The following FAM83B variants were observed in gnomAD, a reference collection of about 807,000 sequenced individuals.
The protein encoded by FAM83B is protein FAM83B.
In FAM83B, 26 loss-of-function variants were observed where a neutral mutation model predicts 38.8. The ratio of observed to expected loss-of-function variants is 0.67; its 90% confidence interval spans 0.49 to 0.93. FAM83B has a LOEUF of 0.93. Ranked by LOEUF, FAM83B falls within the 40% of genes least tolerant of loss-of-function variation. FAM83B has a pLI of 0.00. For synonymous variants in FAM83B, 419 were observed against 423.1 expected, an observed-to-expected ratio of 0.99 and a Z score of 0.12; for missense variants, 1,237 against 1,197.3, an observed-to-expected ratio of 1.03 and a Z score of -0.49.
chr6:54,916,476 G>A (rs185799722), intron 2 of FAM83B, among the ~76,000 whole-genome samples: 11 of 152,214 alleles, frequency 7.2e-5, no homozygotes, highest in Admixed American at 1.3e-4. Context: ...ACTAAGCTTG[G>A]AACACGGATG....
intron 2 of FAM83B, among the ~76,000 whole-genome samples, chr6:54,903,271 A>C (rs1294968748): frequency 6.6e-6 from 1 of 152,190 alleles, no homozygotes; most frequent in African/African-American, 2.4e-5. Context: ...GCAAGTATAC[A>C]TATCTCTGTA....
intron 2 of FAM83B, among the ~76,000 whole-genome samples, chr6:54,921,527 C>T (rs1171134212): frequency 6.6e-6 from 1 of 151,868 alleles, no homozygotes; most frequent in African/African-American, 2.4e-5. Context: ...TTCTAAGTCT[C>T]ATGTTTCCGA....
At chr6:54,887,586 T>A (rs1340151426) in intron 2 of FAM83B, among the ~76,000 whole-genome samples, 1 of 152,096 alleles carries the variant, frequency 6.6e-6, no homozygotes, top group Admixed American at 6.6e-5. Flanking sequence ...TATTACTAAT[T>A]GTAATTATTT....
chr6:54,860,149 A>C (rs1030974293), intron 1 of FAM83B, among the ~76,000 whole-genome samples: 1 of 152,214 alleles, frequency 6.6e-6, no homozygotes, highest in African/African-American at 2.4e-5. Context: ...TGTTAGCTAC[A>C]TAGCATAATA....
Position 54,864,047 on chromosome 6 carries a change from T to G in FAM83B, c.-60-6140T>G, listed in dbSNP as rs76525761. ...TTGAGCATTCAGTATAAGCTCTCTC[T>G]GTAAATGGTTTATTTTTTCTTAATG... On this transcript the variant is annotated intron_variant, in intron 1 of 4. Coordinates refer to ENST00000306858, the MANE Select transcript of FAM83B (RefSeq NM_001010872.3). Among the ~76,000 whole-genome samples the G allele has an allele frequency of 4.0e-3, 616 of 152,342 alleles. 6 individuals are homozygous for G. Among genetic ancestry groups the G allele is most frequent in the African/African-American group, 0.013 (552 of 41,580 alleles).
intron 1 of FAM83B, among the ~76,000 whole-genome samples, chr6:54,859,899 A>G (rs949415004): frequency 3.3e-5 from 5 of 152,204 alleles, no homozygotes; most frequent in Admixed American, 1.3e-4. Flanking sequence ...CTCAAAAATA[A>G]CTGTTGAGGT....
At chr6:54,903,114 G>A (rs950947111) in intron 2 of FAM83B, among the ~76,000 whole-genome samples, 1 of 152,100 alleles carries the variant, frequency 6.6e-6, no homozygotes, top group East Asian at 1.9e-4. Flanking sequence ...ATTTCAATAA[G>A]TGGGTTTATT....
At chr6:54,905,795 T>C (rs879505261) in intron 2 of FAM83B, among the ~76,000 whole-genome samples, 1 of 138,268 alleles carries the variant, frequency 7.2e-6, no homozygotes, top group Non-Finnish European at 1.6e-5. Flanking sequence ...AGGATCATAA[T>C]CTTTTATGAT....
intron 1 of FAM83B, among the ~76,000 whole-genome samples, chr6:54,862,964 G>T (rs1295721485): frequency 6.6e-6 from 1 of 151,960 alleles, no homozygotes; most frequent in Admixed American, 6.6e-5. Context: ...ATAAATAAAT[G>T]AAGCTGCACT....
intron 2 of FAM83B, among the ~76,000 whole-genome samples, chr6:54,873,611 G>A (rs1008002756): frequency 1.3e-4 from 20 of 151,094 alleles, no homozygotes; most frequent in Admixed American, 2.0e-4. Context: ...TGGTAACTCA[G>A]TGAATTGTCA....
chr6:54,894,494 A>G (rs1772473498), intron 2 of FAM83B, among the ~76,000 whole-genome samples: 1 of 152,208 alleles, frequency 6.6e-6, no homozygotes, highest in South Asian at 2.1e-4. Context: ...CATGCCATAC[A>G]AAATGTACAA....
At chr6:54,849,527 G>A (rs1771221695) in intron 1 of FAM83B, among the ~76,000 whole-genome samples, 1 of 151,770 alleles carries the variant, frequency 6.6e-6, no homozygotes, top group Admixed American at 6.6e-5. Context: ...GGTGGGTGAT[G>A]GAGGGGGCAA....
chr6:54,865,271 C>T (rs899356013), intron 1 of FAM83B, among the ~76,000 whole-genome samples: 7 of 152,146 alleles, frequency 4.6e-5, no homozygotes, highest in Non-Finnish European at 8.8e-5. Flanking sequence ...TCTCTTATCT[C>T]TGTTCTTGTA....
At chr6:54,870,926 G>A (rs1771838655) in intron 2 of FAM83B, among the ~76,000 whole-genome samples, 1 of 152,120 alleles carries the variant, frequency 6.6e-6, no homozygotes, top group Non-Finnish European at 1.5e-5. Context: ...TCTTAATAAT[G>A]TACTCAGGAG....
intron 2 of FAM83B, among the ~76,000 whole-genome samples, chr6:54,884,317 A>G (rs1324622742): frequency 2.0e-5 from 3 of 149,182 alleles, no homozygotes; most frequent in East Asian, 2.0e-4. Flanking sequence ...AAAAAAAAAA[A>G]AGAGAAAAAT....
intron 4 of FAM83B, among the ~76,000 whole-genome samples, chr6:54,929,506 T>C (rs1187817217): frequency 6.6e-6 from 1 of 152,194 alleles, no homozygotes; most frequent in Non-Finnish European, 1.5e-5. Flanking sequence ...CATAACATGA[T>C]ACTAACATTG....
intron 2 of FAM83B, among the ~76,000 whole-genome samples, chr6:54,907,293 AT>A (rs1204428893): frequency 6.6e-6 from 1 of 152,128 alleles, no homozygotes; most frequent in African/African-American, 2.4e-5. Context: ...AGAATATGCT[AT>A]TTTTCGTAGA....
intron 4 of FAM83B, among the ~76,000 whole-genome samples, chr6:54,938,540 A>AT (rs1387097893): frequency 2.0e-5 from 3 of 151,952 alleles, no homozygotes; most frequent in African/African-American, 7.2e-5. Context: ...TTAGTTTTTG[A>AT]TTTTTTAATT....
chr6:54,855,511 CA>C (rs749799945), intron 1 of FAM83B, among the ~76,000 whole-genome samples: 205 of 152,316 alleles, frequency 1.3e-3, no homozygotes, highest in Middle Eastern at 6.8e-3. Context: ...AGAAATCTGT[CA>C]CCTTTGGTTC....
Sources: allele counts gnomAD v4.1 joint callset (sites outside exome capture counted in the v4.1 genomes callset), GRCh38; gene constraint gnomAD v4.1.1; transcripts MANE v1.5; gene names NCBI Gene and HGNC (gene_info 2026-07-23, HGNC 2026-07-21).